Variants in KRR1 observed in about 807,000 individuals in gnomAD.
The protein encoded by KRR1 is KRR1 small subunit processome component homolog.
A neutral mutation model predicts 50.0 loss-of-function variants in KRR1; 23 were observed. That is an observed-to-expected ratio of 0.46 (90% confidence interval 0.33 to 0.65). The LOEUF (loss-of-function observed/expected upper bound fraction) is 0.65, where lower values mean the gene tolerates loss of function less well. KRR1 is among the 30% of genes least tolerant of loss of function. The pLI, the probability that KRR1 is intolerant of heterozygous loss-of-function variation, is 0.02. For missense variants in KRR1, 419 were observed against 442.4 expected (o/e 0.95, Z 0.47); for synonymous variants, 133 against 146.3 (o/e 0.91, Z 0.66).
intron 1 of KRR1, among the ~76,000 whole-genome samples, chr12:75,509,279 T>G (rs1169621792): frequency 6.6e-6 from 1 of 152,208 alleles, no homozygotes; most frequent in Non-Finnish European, 1.5e-5. Flanking sequence ...ACTGTAAGTC[T>G]GTCAGAAATG....
At chr12:75,500,027 A>G in intron 9 of KRR1, 76 bp from the exon 10 acceptor site, 1 of 1,176,168 alleles carries the variant, frequency 8.5e-7, no homozygotes, top group Non-Finnish European at 1.2e-6. Context: ...TGTTTAACAA[A>G]GAATATATGT....
Position 75,501,820 on chromosome 12 carries a change from C to A in KRR1, c.910-4G>T. 2 of 1,593,772 alleles carry A rather than the reference C, an allele frequency of 1.3e-6. No individual in the cohort carries two copies. The highest frequency in any genetic ancestry group is 1.7e-6 in the Non-Finnish European group (2 of 1,169,634). Reference sequence around the variant, plus strand: ...TGATGGCTTCTGCTTGTTTAGCCTACATTAATAAATAAAAAATATATCAGT... The same window carrying A: ...TGATGGCTTCTGCTTGTTTAGCCTAAATTAATAAATAAAAAATATATCAGT... On this transcript the variant is annotated splice_polypyrimidine_tract_variant and splice_region_variant and intron_variant, in intron 8 of 9. Coordinates refer to ENST00000229214, the MANE Select transcript of KRR1 (RefSeq NM_007043.7).
Position 75,491,565 on chromosome 12 carries a change from T to C in KRR1, c.*8244A>G, listed in dbSNP as rs2046324068. 1 of 152,224 alleles carries C rather than the reference T, an allele frequency of 6.6e-6. No homozygotes were observed. Among genetic ancestry groups the C allele is most frequent in the African/African-American group, 2.4e-5 (1 of 41,460 alleles). 9.4% of individuals were successfully genotyped at this position (152,224 alleles called of 1,614,324 possible). ...TGACCATTTTTGTTTTAAGTACATA[T>C]TGCCAAATTACATTCCACCATTATA... On this transcript the variant is annotated 3_prime_UTR_variant, in exon 10 of 10. Transcript: ENST00000229214.
chr12:75,495,754 C>T lies in KRR1; in HGVS notation c.*4055G>A, dbSNP rs895265918. On this transcript the variant is annotated 3_prime_UTR_variant, in exon 10 of 10. Coordinates refer to ENST00000229214, the MANE Select transcript of KRR1 (RefSeq NM_007043.7). ...ACAATGAAACCATGTTTTATCTTAA[C>T]GGCTATCTTCAAGGAAACTGGCATC... The T allele has an allele frequency of 1.5e-5, 11 of 735,684 alleles. No individual in the cohort carries two copies. Among genetic ancestry groups the T allele is most frequent in the South Asian group, 5.7e-5 (3 of 52,820 alleles). 45.6% of individuals were successfully genotyped at this position (735,684 alleles called of 1,614,324 possible).
chr12:75,499,613 T>G lies in KRR1; in HGVS notation c.*196A>C, dbSNP rs2046376366. 3.0e-6 allele frequency: 1 copy of G among 334,426 alleles called. No individual in the cohort carries two copies. Among genetic ancestry groups the G allele is most frequent in the Non-Finnish European group, 5.3e-6 (1 of 189,986 alleles). The allele number at this position is 334,426 out of a possible 1,614,324, so 20.7% of individuals were successfully genotyped here. A position where few individuals can be genotyped will look rare whatever the true frequency, so the allele number is the denominator to read the frequency against. ...GTCGTAATGTATACAAAGACTTATA[T>G]ACCACTTTCTCGTATAAATTTTTCA... On this transcript the variant is annotated 3_prime_UTR_variant, in exon 10 of 10. Coordinates refer to ENST00000229214, the MANE Select transcript of KRR1 (RefSeq NM_007043.7).
At chr12:75,504,775 TTGAG>T (rs1467972880) in intron 6 of KRR1, among the ~76,000 whole-genome samples, 1 of 151,988 alleles carries the variant, frequency 6.6e-6, no homozygotes, top group Non-Finnish European at 1.5e-5. Context: ...GAGCTACAAT[TTGAG>T]TGTTAAATTC....
At position 75,496,712 on chromosome 12, in the gene KRR1, G is replaced by A. The variant is rs1211124267; in HGVS notation, c.*3097C>T. 5 of 152,066 alleles carry A rather than the reference G, an allele frequency of 3.3e-5. No homozygotes were observed. Among genetic ancestry groups the A allele is most frequent in the Non-Finnish European group, 7.4e-5 (5 of 68,022 alleles). The allele number at this position is 152,066 out of a possible 1,614,324, so 9.4% of individuals were successfully genotyped here. On this transcript the variant is annotated 3_prime_UTR_variant, in exon 10 of 10. Coordinates refer to ENST00000229214, the MANE Select transcript of KRR1 (RefSeq NM_007043.7). The stretch of plus-strand genomic sequence containing the variant: ...CTTAGAATAGAGGAAGGACAGAGTC[G>A]GCCAAGTTCCACTGCACGAAATTTA...
chr12:75,510,369 G>A (rs1333408744), intron 1 of KRR1, among the ~76,000 whole-genome samples: 1 of 152,058 alleles, frequency 6.6e-6, no homozygotes, highest in Non-Finnish European at 1.5e-5. Context: ...AAGCAATTGG[G>A]AACAATCCAA....
chr12:75,505,072 C>T, intron 6 of KRR1, 126 bp downstream of exon 6: 1 of 1,010,114 alleles, frequency 9.9e-7, no homozygotes, highest in South Asian at 1.6e-5. Flanking sequence ...CCTAATTTAC[C>T]CAAAATAGCT....
At position 75,499,771 on chromosome 12, in the gene KRR1, C is replaced by A. The variant is rs946210667; in HGVS notation, c.*38G>T. The A allele has an allele frequency of 2.7e-6, 4 of 1,486,674 alleles. No individual in the cohort carries two copies. The highest frequency in any genetic ancestry group is 3.6e-6 in the Non-Finnish European group (4 of 1,110,554). 92.1% of individuals were successfully genotyped at this position (1,486,674 alleles called of 1,614,324 possible). Reference sequence around the variant, plus strand: ...ATGCCTGATATCTCAAAATCCTTTACAAAAGGAGATAGTTCTAGTCAAGGA... The same window carrying A: ...ATGCCTGATATCTCAAAATCCTTTAAAAAAGGAGATAGTTCTAGTCAAGGA... On this transcript the variant is annotated 3_prime_UTR_variant, in exon 10 of 10. Coordinates refer to ENST00000229214, the MANE Select transcript of KRR1 (RefSeq NM_007043.7).
chr12:75,498,633 TAA>T lies in KRR1; in HGVS notation c.*1174_*1175del. On this transcript the variant is annotated 3_prime_UTR_variant, in exon 10 of 10. Coordinates refer to ENST00000229214, the MANE Select transcript of KRR1 (RefSeq NM_007043.7). ...AATTATAAGACTTAGCTTTTTAAAA[TAA>T]AACTCTCAACTGTGTCTACCCTTTT... is the stretch of plus-strand genomic sequence containing the variant. 1 of 1,352,860 alleles carries T rather than the reference TAA, an allele frequency of 7.4e-7. No homozygotes were observed. The highest frequency in any genetic ancestry group is 1.2e-5 in the South Asian group (1 of 84,604). The allele number at this position is 1,352,860 out of a possible 1,614,324, so 83.8% of individuals were successfully genotyped here.
rs2046377042 is a variant in KRR1, at chr12:75,499,674, T to G, written c.*135A>C. On this transcript the variant is annotated 3_prime_UTR_variant, in exon 10 of 10. Transcript: ENST00000229214. ...TAATAATATAATTTATAAAGAACAC[T>G]CTTCTATGAACAACCACCACCACCA... 2.1e-6 allele frequency: 1 copy of G among 486,862 alleles called. No homozygotes were observed. The highest frequency in any genetic ancestry group is 3.9e-5 in the Admixed American group (1 of 25,674). The allele number at this position is 486,862 out of a possible 1,614,324, so 30.2% of individuals were successfully genotyped here. A position where few individuals can be genotyped will look rare whatever the true frequency, so the allele number is the denominator to read the frequency against.
At position 75,499,796 on chromosome 12, in the gene KRR1, A is replaced by T; in HGVS notation, c.*13T>A. ...CAAAAGGAGATAGTTCTAGTCAAGG[A>T]GTTTTGGGTATGTTACTTTTTTTTC... is the stretch of plus-strand genomic sequence containing the variant. On this transcript the variant is annotated 3_prime_UTR_variant, in exon 10 of 10. Transcript: ENST00000229214. 1 of 1,582,088 alleles carries T rather than the reference A, an allele frequency of 6.3e-7. No homozygotes were observed. Among genetic ancestry groups the T allele is most frequent in the Non-Finnish European group, 8.6e-7 (1 of 1,166,412 alleles).
intron 1 of KRR1, among the ~76,000 whole-genome samples, chr12:75,510,080 A>C (rs1392620591): frequency 2.0e-5 from 3 of 152,202 alleles, no homozygotes; most frequent in Non-Finnish European, 4.4e-5. Context: ...AGAAAATGCA[A>C]ACTAAAACTG....
In KRR1 at chr12:75,499,671, CACTCTTCTA is replaced by C; in HGVS notation, c.*129_*137del. On this transcript the variant is annotated 3_prime_UTR_variant, in exon 10 of 10. Transcript: ENST00000229214. Reference sequence around the variant, plus strand: ...CAATAATAATATAATTTATAAAGAACACTCTTCTATGAACAACCACCACCACCAAAAAAA... The same window carrying C: ...CAATAATAATATAATTTATAAAGAACTGAACAACCACCACCACCAAAAAAA... 1 of 466,546 alleles carries C rather than the reference CACTCTTCTA, an allele frequency of 2.1e-6. No homozygotes were observed. Among genetic ancestry groups the C allele is most frequent in the South Asian group, 4.5e-5 (1 of 22,104 alleles). The allele number at this position is 466,546 out of a possible 1,614,324, so 28.9% of individuals were successfully genotyped here. A position where few individuals can be genotyped will look rare whatever the true frequency, so the allele number is the denominator to read the frequency against.
Position 75,498,909 on chromosome 12 carries a change from TCTAATA to T in KRR1, c.*894_*899del, listed in dbSNP as rs2046370162. ...TCTTTCTCATTGTTAATTCAGTAAT[TCTAATA>T]CTGTCTGTTATAATTACCATTTTGG... On this transcript the variant is annotated 3_prime_UTR_variant, in exon 10 of 10. Coordinates refer to ENST00000229214, the MANE Select transcript of KRR1 (RefSeq NM_007043.7). 4 of 1,605,030 alleles carry T rather than the reference TCTAATA, an allele frequency of 2.5e-6. No individual in the cohort carries two copies. Among genetic ancestry groups the T allele is most frequent in the South Asian group, 1.1e-5 (1 of 90,772 alleles).
At position 75,495,998 on chromosome 12, in the gene KRR1, TTTTTTTTTTTG is replaced by T. The variant is rs1253188182; in HGVS notation, c.*3800_*3810del. ...CCAAACAAACAGAATTCTGTTTTCGTTTTTTTTTTTGTTTTTTTTTTTTGAGACAGAGTCTT... is the reference window on the plus strand; with the variant it reads ...CCAAACAAACAGAATTCTGTTTTCGTTTTTTTTTTTTTGAGACAGAGTCTT... On this transcript the variant is annotated 3_prime_UTR_variant, in exon 10 of 10. Coordinates refer to ENST00000229214, the MANE Select transcript of KRR1 (RefSeq NM_007043.7). The T allele has an allele frequency of 9.9e-5, 7 of 70,424 alleles. No homozygotes were observed. The highest frequency in any genetic ancestry group is 3.2e-4 in the South Asian group (1 of 3,094). 4.4% of individuals were successfully genotyped at this position (70,424 alleles called of 1,614,324 possible). A position where few individuals can be genotyped will look rare whatever the true frequency, so the allele number is the denominator to read the frequency against.
intron 3 of KRR1, 81 bp from the exon 4 acceptor site, chr12:75,506,690 T>C: frequency 6.4e-7 from 1 of 1,552,580 alleles, no homozygotes; most frequent in South Asian, 1.3e-5. Flanking sequence ...CACGCTATTG[T>C]TACCTAAGCA....
chr12:75,496,581 C>T lies in KRR1; in HGVS notation c.*3228G>A, dbSNP rs868013692. 2 of 151,718 alleles carry T rather than the reference C, an allele frequency of 1.3e-5. No homozygotes were observed. The highest frequency in any genetic ancestry group is 4.8e-5 in the African/African-American group (2 of 41,368). 9.4% of individuals were successfully genotyped at this position (151,718 alleles called of 1,614,324 possible). A position where few individuals can be genotyped will look rare whatever the true frequency, so the allele number is the denominator to read the frequency against. On this transcript the variant is annotated 3_prime_UTR_variant, in exon 10 of 10. Coordinates refer to ENST00000229214, the MANE Select transcript of KRR1 (RefSeq NM_007043.7). The stretch of plus-strand genomic sequence containing the variant: ...CTTCCATCCCAGTATGTTTTTTTAC[C>T]ATGGTGTGAAGGGGAAACTTCAATT...
Sources: allele counts gnomAD v4.1 joint callset (sites outside exome capture counted in the v4.1 genomes callset), GRCh38; gene constraint gnomAD v4.1.1; transcripts MANE v1.5; gene names NCBI Gene and HGNC (gene_info 2026-07-23, HGNC 2026-07-21).